ARSD: variants seen among roughly 807,000 people sequenced by gnomAD.
ARSD encodes arylsulfatase D.
ARSD carries 21 observed loss-of-function variants against 32.6 expected under a neutral mutation model. That is an observed-to-expected ratio of 0.64 (90% CI 0.46 to 0.93). The LOEUF is 0.93. Ranked by LOEUF, ARSD falls within the 40% of genes least tolerant of loss-of-function variation. The pLI is 0.00. For missense variants in ARSD, 454 were observed against 520.9 expected (o/e 0.87, Z 1.25); for synonymous variants, 224 against 237.4 (o/e 0.94, Z 0.52).
intron 2 of ARSD, among the ~76,000 whole-genome samples, 161 bp downstream of exon 2, chrX:2,925,455 C>A (rs918868247): frequency 8.9e-6 from 1 of 112,703 alleles, no homozygotes; most frequent in Admixed American, 9.4e-5. Flanking sequence ...CACCCCCTCA[C>A]CGCAGTTCCG....
intron 6 of ARSD, chrX:2,913,729 G>C: frequency 5.3e-6 from 5 of 952,232 alleles, no homozygotes; most frequent in Non-Finnish European, 6.7e-6. Context: ...CTGTGTAGAA[G>C]GTTGACAATA....
At chrX:2,908,535 C>CTCT (rs199839957) in intron 9 of ARSD, among the ~76,000 whole-genome samples, 186 bp downstream of exon 9, 1,656 of 68,484 alleles carry the variant, frequency 0.024, 48 homozygotes, top group African/African-American at 0.087. Flanking sequence ...CTCTCTCTCT[C>CTCT]CCCCCCCCAT....
rs762761861 is a variant in ARSD, at chrX:2,905,086, C to G, written c.*2185G>C. ...CCCTGTAGGATTTGGACACAGGGAG[C>G]CAGGGGAGAGGGGCATCAGCTGCCT... On this transcript the variant is annotated 3_prime_UTR_variant, in exon 10 of 10. Transcript: ENST00000381154. The G allele has an allele frequency of 2.9e-6, 1 of 339,718 alleles. No homozygotes were observed. Among genetic ancestry groups the G allele is most frequent in the Non-Finnish European group, 5.9e-6 (1 of 169,535 alleles). 28.0% of individuals were successfully genotyped at this position (339,718 alleles called of 1,213,427 possible).
intron 5 of ARSD, among the ~76,000 whole-genome samples, chrX:2,917,473 C>G (rs1210138731): frequency 2.7e-5 from 3 of 109,927 alleles, no homozygotes; most frequent in Non-Finnish European, 5.7e-5. Flanking sequence ...TTAAATTAAA[C>G]TTTATTTTTA....
chrX:2,921,463 TATC>T (rs748018149), intron 3 of ARSD, among the ~76,000 whole-genome samples: 29 of 112,327 alleles, frequency 2.6e-4, no homozygotes, highest in East Asian at 5.6e-4. Context: ...TATCATTATG[TATC>T]ATCATCATCT....
intron 6 of ARSD, chrX:2,913,403 G>T: frequency 2.0e-6 from 1 of 501,225 alleles, no homozygotes; most frequent in Non-Finnish European, 2.4e-6. Flanking sequence ...TCCCGTTATG[G>T]CATGAACCAG....
At position 2,918,113 on chromosome X, in the gene ARSD, T is replaced by C; in HGVS notation, c.554A>G (p.Asp185Gly). The change falls in exon 5 of 10, where the codon GAC (aspartate) becomes GGC (glycine). Residue 185 changes from aspartate to glycine, a missense_variant. Asp to Gly is a moderately conservative substitution (Grantham distance 94). Around this residue, in one of 3 missense-constraint regions of ARSD, gnomAD observed 271 missense variants for 301.0 expected, o/e 0.90. Coordinates refer to ENST00000381154, the MANE Select transcript of ARSD (RefSeq NM_001669.4). ...GTCCACTTCGGGGGGCCTGCCTGGG[T>C]CACAGTCGTTTGTGAGCGTGAAGGG... ...GMPFTLTNDC[D>G]PGRPPEVDAA... 8.3e-7 allele frequency: 1 copy of C among 1,200,864 alleles called. No individual in the cohort carries two copies. The highest frequency in any genetic ancestry group is 1.1e-6 in the Non-Finnish European group (1 of 889,696).
At chrX:2,922,842 C>CAAAAAAAAAAAAAAAAAAAAAAA (rs60380048) in intron 2 of ARSD, among the ~76,000 whole-genome samples, 8 of 43,721 alleles carry the variant, frequency 1.8e-4, no homozygotes, top group Non-Finnish European at 3.1e-4. Flanking sequence ...GACCGTGTCT[C>CAAAAAAAAAAAAAAAAAAAAAAA]AAAAAAAAAA....
At chrX:2,907,959 C>T (rs2088866442) in intron 9 of ARSD, 6 of 851,446 alleles carry the variant, frequency 7.0e-6, no homozygotes, top group Non-Finnish European at 8.6e-6. Context: ...TGTGTTGAAA[C>T]TGTTCAGCGT....
intron 1 of ARSD, 128 bp downstream of exon 1, chrX:2,929,104 G>T: frequency 3.1e-6 from 2 of 637,375 alleles, no homozygotes; most frequent in Non-Finnish European, 4.2e-6. Context: ...ACTACAAGGC[G>T]CCGGACACAA....
chrX:2,907,092 G>A lies in ARSD; in HGVS notation c.*179C>T. The A allele has an allele frequency of 2.2e-6, 1 of 449,263 alleles. No homozygotes were observed. Among genetic ancestry groups the A allele is most frequent in the Non-Finnish European group, 3.7e-6 (1 of 267,893 alleles). 37.0% of individuals were successfully genotyped at this position (449,263 alleles called of 1,213,427 possible). ...AGATCGTGCCATTGCATTCCAGCCT[G>A]AGGGACAGAGCGACACTCTGTCTCA... On this transcript the variant is annotated 3_prime_UTR_variant, in exon 10 of 10. Coordinates refer to ENST00000381154, the MANE Select transcript of ARSD (RefSeq NM_001669.4).
At chrX:2,914,223 C>A in intron 6 of ARSD, 1 of 749,798 alleles carries the variant, frequency 1.3e-6, no homozygotes, top group Non-Finnish European at 1.6e-6. Flanking sequence ...CCCTATTCTT[C>A]GTCTTTTATT....
chrX:2,926,398 C>T (rs1167996341), intron 1 of ARSD, among the ~76,000 whole-genome samples: 1 of 112,166 alleles, frequency 8.9e-6, no homozygotes, highest in Non-Finnish European at 1.9e-5. Flanking sequence ...AGAATTCCTT[C>T]GTTATCTTGT....
Position 2,904,762 on chromosome X carries a change from A to T in ARSD, c.*2509T>A, listed in dbSNP as rs2088839934. On this transcript the variant is annotated 3_prime_UTR_variant, in exon 10 of 10. Transcript: ENST00000381154. Reference sequence around the variant, plus strand: ...ACAGCCATTTTCATCAAATGCCAGGAAATTCTTAGGCTGGGATTGTTGGGA... The same window carrying T: ...ACAGCCATTTTCATCAAATGCCAGGTAATTCTTAGGCTGGGATTGTTGGGA... 6.4e-6 allele frequency: 1 copy of T among 156,451 alleles called. No individual in the cohort carries two copies. Among genetic ancestry groups the T allele is most frequent in the Non-Finnish European group, 1.2e-5 (1 of 83,576 alleles). 12.9% of individuals were successfully genotyped at this position (156,451 alleles called of 1,213,427 possible). A position where few individuals can be genotyped will look rare whatever the true frequency, so the allele number is the denominator to read the frequency against.
At chrX:2,915,874 G>A (rs1317824505) in intron 5 of ARSD, among the ~76,000 whole-genome samples, 182 bp from the exon 6 acceptor site, 1 of 111,269 alleles carries the variant, frequency 9.0e-6, no homozygotes, top group African/African-American at 3.3e-5. Context: ...GCTCATGCTT[G>A]TAATCCCAAC....
chrX:2,911,335 T>A (rs1211409201), intron 6 of ARSD, among the ~76,000 whole-genome samples: 1 of 108,902 alleles, frequency 9.2e-6, no homozygotes, highest in Admixed American at 9.8e-5. Flanking sequence ...ATTACACTAC[T>A]GCACTCCAGC....
chrX:2,928,786 G>T (rs1325240497), intron 1 of ARSD, among the ~76,000 whole-genome samples: 1 of 109,185 alleles, frequency 9.2e-6, no homozygotes. Context: ...GCAGAGCGGG[G>T]GGCGCGGTTC....
chrX:2,920,904 T>C (rs1308118760), intron 3 of ARSD, among the ~76,000 whole-genome samples, 181 bp from the exon 4 acceptor site: 2 of 112,059 alleles, frequency 1.8e-5, no homozygotes, highest in Admixed American at 9.5e-5. Flanking sequence ...CTGTCATCTA[T>C]CTACCTACCT....
chrX:2,914,561 CTG>C (rs1003204952), intron 6 of ARSD: 8 of 1,004,195 alleles, frequency 8.0e-6, no homozygotes, highest in African/African-American at 3.9e-5. Flanking sequence ...ACTTTTAAGA[CTG>C]TGAACTCTAT....
Sources: allele counts gnomAD v4.1 joint callset (sites outside exome capture counted in the v4.1 genomes callset), GRCh38; gene constraint gnomAD v4.1.1; regional missense constraint gnomAD v4.1.1; transcripts MANE v1.5; gene names NCBI Gene and HGNC (gene_info 2026-07-23, HGNC 2026-07-21).